Variants in AFF4 observed in about 807,000 individuals in gnomAD.
The protein encoded by AFF4 is ALF transcription elongation factor 4.
AFF4 carries 13 observed loss-of-function variants against 124.8 expected under a neutral mutation model. The ratio of observed to expected loss-of-function variants is 0.10; its 90% CI spans 0.07 to 0.17. AFF4 has a LOEUF of 0.17. AFF4 is among the 10% of genes least tolerant of loss of function. AFF4 has a pLI of 1.00. For synonymous variants in AFF4, 477 were observed against 496.1 expected, an observed-to-expected ratio of 0.96 and a Z score of 0.51; for missense variants, 1,092 against 1,403.8, an observed-to-expected ratio of 0.78 and a Z score of 3.55.
At chr5:132,927,245 C>A in intron 4 of AFF4, 38 bp from the exon 5 acceptor site, 2 of 1,578,746 alleles carry the variant, frequency 1.3e-6, no homozygotes, top group South Asian at 2.3e-5. Context: ...TCAACCAGGT[C>A]AAGGATAAAA....
At chr5:132,942,495 G>A (rs962875933) in intron 1 of AFF4, among the ~76,000 whole-genome samples, 6 of 136,282 alleles carry the variant, frequency 4.4e-5, no homozygotes, top group African/African-American at 1.4e-4. Flanking sequence ...ACAGAGTTTC[G>A]CTCTTGTTGC....
At position 132,896,578 on chromosome 5, in the gene AFF4, T is replaced by C; in HGVS notation, c.2052A>G (p.Glu684=). 1 of 1,614,090 alleles carries C rather than the reference T, an allele frequency of 6.2e-7. No individual in the cohort carries two copies. Among genetic ancestry groups the C allele is most frequent in the Non-Finnish European group, 8.5e-7 (1 of 1,180,036 alleles). The change falls in exon 11 of 21, where the codon GAA becomes GAG. Residue 684 remains glutamate, a synonymous_variant. Coordinates refer to ENST00000265343, the MANE Select transcript of AFF4 (RefSeq NM_014423.4). ...TPVKPSSVEE[E]DSFFRQRMFS... ...ACATTCGTTGCCGAAAAAAGCTATCTTCTTCCTCCACTGAGGAGGGTTTAA... is the reference window on the plus strand; with the variant it reads ...ACATTCGTTGCCGAAAAAAGCTATCCTCTTCCTCCACTGAGGAGGGTTTAA...
intron 1 of AFF4, among the ~76,000 whole-genome samples, chr5:132,958,334 T>G (rs1762006315): frequency 1.3e-5 from 2 of 151,536 alleles, no homozygotes; most frequent in Non-Finnish European, 2.9e-5. Context: ...GGCATGGTGG[T>G]GCACACCTGT....
intron 1 of AFF4, among the ~76,000 whole-genome samples, chr5:132,956,301 T>C (rs1438023575): frequency 6.6e-6 from 1 of 152,260 alleles, no homozygotes; most frequent in East Asian, 1.9e-4. Context: ...GTGTGCTGCC[T>C]GTGTTCCAGT....
intron 1 of AFF4, among the ~76,000 whole-genome samples, chr5:132,951,604 T>C (rs997512868): frequency 1.3e-5 from 2 of 152,238 alleles, no homozygotes; most frequent in African/African-American, 2.4e-5. Context: ...CTCGGCTCAC[T>C]GCAACCTCCA....
At chr5:132,907,915 T>C (rs949549169) in intron 5 of AFF4, among the ~76,000 whole-genome samples, 1 of 152,154 alleles carries the variant, frequency 6.6e-6, no homozygotes. Context: ...TACAGACTTA[T>C]AGACCATATT....
intron 5 of AFF4, among the ~76,000 whole-genome samples, chr5:132,908,734 A>G (rs1760723668): frequency 1.3e-5 from 2 of 148,166 alleles, no homozygotes; most frequent in African/African-American, 4.9e-5. Flanking sequence ...ACACTCATAT[A>G]TAATCTATAC....
chr5:132,951,678 C>G (rs972622069), intron 1 of AFF4, among the ~76,000 whole-genome samples: 11 of 152,308 alleles, frequency 7.2e-5, no homozygotes, highest in Non-Finnish European at 1.3e-4. Context: ...CAGGCACCTG[C>G]CACAACACCA....
At chr5:132,916,920 G>GT (rs947113796) in intron 5 of AFF4, among the ~76,000 whole-genome samples, 73 of 150,486 alleles carry the variant, frequency 4.9e-4, no homozygotes, top group African/African-American at 1.2e-3. Context: ...AACGTTTTTT[G>GT]TTTTTTTTTG....
At position 132,887,884 on chromosome 5, in the gene AFF4, G is replaced by A. The variant is rs143136547; in HGVS notation, c.2895C>T (p.Ser965=). 2.5e-6 allele frequency: 4 copies of A among 1,613,682 alleles called. No individual in the cohort carries two copies. The African/African-American group carries it at 4.0e-5, about 16-fold the overall frequency. Residue 965 remains serine, a synonymous_variant, in exon 16 of 21, where the codon TCC becomes TCT. Transcript: ENST00000265343. ...ALEKNAQESK[S]PFPMYSETVD... is the part of the protein sequence containing the mutation. ...CCGTCTCTGAATACATAGGGAATGG[G>A]GATTTGGATTCCTGAGCATTCTTCT...
At chr5:132,911,514 C>CA (rs1760789691) in intron 5 of AFF4, among the ~76,000 whole-genome samples, 1 of 150,858 alleles carries the variant, frequency 6.6e-6, no homozygotes, top group South Asian at 2.1e-4. Context: ...CACAGCAATA[C>CA]AAACCATGCA....
chr5:132,919,297 A>C (rs1176105315), intron 5 of AFF4, among the ~76,000 whole-genome samples: 2 of 152,238 alleles, frequency 1.3e-5, no homozygotes, highest in African/African-American at 4.8e-5. Context: ...TCTCAAAGTC[A>C]AATCATCAAG....
At chr5:132,930,933 TAAAAAA>T (rs775336427) in intron 4 of AFF4, among the ~76,000 whole-genome samples, 1 of 78,564 alleles carries the variant, frequency 1.3e-5, no homozygotes, top group Admixed American at 1.6e-4. Context: ...CTATCTCTAC[TAAAAAA>T]AAAAAAAAAA....
rs781688767 is a variant in AFF4 at position 132,898,223 on chromosome 5, G to T, written c.1389+7C>A. The T allele has an allele frequency of 8.1e-6, 13 of 1,613,998 alleles. No individual in the cohort carries two copies. The highest frequency in any genetic ancestry group is 1.1e-5 in the Non-Finnish European group (13 of 1,179,960). The stretch of plus-strand genomic sequence containing the variant: ...CTGTGGAAGGTACCCCACCGCCTCT[G>T]TCTCACCTCGGGAGATGCACTCTGG... On this transcript the variant is annotated splice_region_variant and intron_variant, in intron 10 of 20. Coordinates refer to ENST00000265343, the MANE Select transcript of AFF4 (RefSeq NM_014423.4).
At chr5:132,887,470 T>A in intron 17 of AFF4, 51 bp downstream of exon 17, 1 of 1,489,402 alleles carries the variant, frequency 6.7e-7, no homozygotes, top group Non-Finnish European at 9.4e-7. Flanking sequence ...ACAGCACTAT[T>A]TATTATAGAA....
intron 1 of AFF4, among the ~76,000 whole-genome samples, chr5:132,963,043 G>A (rs1302894165): frequency 2.0e-5 from 3 of 152,182 alleles, no homozygotes; most frequent in Non-Finnish European, 2.9e-5. Context: ...TTTTTGTTAG[G>A]ATTGGGTTAG....
intron 20 of AFF4, among the ~76,000 whole-genome samples, chr5:132,881,646 C>A (rs811683): frequency 0.88 from 134,167 of 152,072 alleles, 60,048 homozygotes; most frequent in African/African-American, 0.98. Context: ...TTTCGGCTAC[C>A]ATCATATGCC....
chr5:132,949,780 C>T (rs757535641), intron 1 of AFF4, among the ~76,000 whole-genome samples: 3 of 149,188 alleles, frequency 2.0e-5, no homozygotes, highest in South Asian at 2.1e-4. Flanking sequence ...GAGAATGGCG[C>T]GAACCCGGGA....
intron 5 of AFF4, among the ~76,000 whole-genome samples, chr5:132,914,827 G>T (rs1336098886): frequency 6.6e-6 from 1 of 152,090 alleles, no homozygotes; most frequent in Admixed American, 6.5e-5. Flanking sequence ...ATGTATAAGA[G>T]AATATTATAA....
Sources: allele counts gnomAD v4.1 joint callset (sites outside exome capture counted in the v4.1 genomes callset), GRCh38; gene constraint gnomAD v4.1.1; transcripts MANE v1.5; gene names NCBI Gene and HGNC (gene_info 2026-07-23, HGNC 2026-07-21).